SYT16: variants seen among roughly 807,000 people sequenced by gnomAD.
SYT16 encodes synaptotagmin 16, also known as synaptotagmin-16.
A neutral mutation model predicts 61.4 loss-of-function variants in SYT16; 42 were observed. The ratio of observed to expected loss-of-function variants is 0.68; its 90% confidence interval spans 0.53 to 0.89. The LOEUF is 0.89. Among genes scored for constraint, SYT16 ranks in the 40% least tolerant of loss-of-function variants. SYT16 has a pLI of 0.00. For missense variants in SYT16, 804 were observed against 807.3 expected (o/e 1.00, Z 0.05); for synonymous variants, 314 against 302.3 (o/e 1.04, Z -0.40).
In SYT16 at chr14:62,059,694, A is replaced by G. The variant is rs1042926572; in HGVS notation, c.524-9909A>G. Among the ~76,000 whole-genome samples the G allele has an allele frequency of 2.2e-4, 32 of 144,204 alleles. 1 individual carries two copies. Among genetic ancestry groups the G allele is most frequent in the African/African-American group, 6.1e-4 (23 of 37,812 alleles). 94.6% of individuals were successfully genotyped at this position (144,204 alleles called of 152,430 possible). On this transcript the variant is annotated intron_variant, in intron 3 of 7. Transcript: ENST00000683842. ...ACATATATATAATTTATATATATGTATATATATACATATAATTTTTATATA... is the reference window on the plus strand; with the variant it reads ...ACATATATATAATTTATATATATGTGTATATATACATATAATTTTTATATA...
chr14:61,812,183 G>C (rs1287068573), upstream of SYT16: 1 of 152,326 alleles, frequency 6.6e-6, no homozygotes, highest in Non-Finnish European at 1.5e-5. Flanking sequence ...AGCCTACGGA[G>C]ATGGCGTTGA....
chr14:62,049,611 G>A (rs2140882714), intron 3 of SYT16, among the ~76,000 whole-genome samples: 1 of 152,256 alleles, frequency 6.6e-6, no homozygotes, highest in South Asian at 2.1e-4. Context: ...GCAGCGGCTG[G>A]TACCACTTGT....
chr14:61,953,678 A>G (rs1295157942), intron 1 of SYT16, among the ~76,000 whole-genome samples: 3 of 152,258 alleles, frequency 2.0e-5, no homozygotes, highest in African/African-American at 7.2e-5. Flanking sequence ...TTGTTTTGCA[A>G]AAGCTGCTGA....
chr14:61,978,498 G>A (rs1386224037), intron 2 of SYT16, among the ~76,000 whole-genome samples: 6 of 152,222 alleles, frequency 3.9e-5, no homozygotes, highest in Admixed American at 3.9e-4. Flanking sequence ...ATTCTGGGAA[G>A]CTTTTAAAAA....
intron 1 of SYT16, among the ~76,000 whole-genome samples, chr14:61,819,234 A>C (rs2140212097): frequency 6.6e-6 from 1 of 152,310 alleles, no homozygotes; most frequent in East Asian, 1.9e-4. Context: ...TTAGATCACT[A>C]GGGTATTATT....
intron 6 of SYT16, among the ~76,000 whole-genome samples, chr14:62,082,191 G>A (rs1192862485): frequency 6.6e-6 from 1 of 152,182 alleles, no homozygotes; most frequent in Non-Finnish European, 1.5e-5. Context: ...AAGCAGTCAG[G>A]ATGTGGGGTG....
chr14:61,987,114 G>T (rs1397989324), intron 2 of SYT16, among the ~76,000 whole-genome samples: 1 of 152,134 alleles, frequency 6.6e-6, no homozygotes, highest in Non-Finnish European at 1.5e-5. Context: ...GATTATGGCG[G>T]GGGGAAAACA....
chr14:62,046,935 G>A (rs542732097), intron 3 of SYT16, among the ~76,000 whole-genome samples: 9 of 152,270 alleles, frequency 5.9e-5, no homozygotes, highest in African/African-American at 1.4e-4. Flanking sequence ...TGGGCAATGC[G>A]GGCTCTTTTT....
chr14:61,896,400 A>C (rs17099307), intron 1 of SYT16, among the ~76,000 whole-genome samples: 3,586 of 152,300 alleles, frequency 0.024, 136 homozygotes, highest in African/African-American at 0.08. Context: ...TCATAGTGGA[A>C]AGGGTTTTGG....
chr14:61,936,467 G>A (rs763495003), intron 1 of SYT16, among the ~76,000 whole-genome samples: 4 of 151,860 alleles, frequency 2.6e-5, no homozygotes, highest in South Asian at 2.1e-4. Context: ...GCCACAAGGC[G>A]GCTAATGAGT....
chr14:62,067,061 G>T (rs912775214), intron 3 of SYT16, among the ~76,000 whole-genome samples: 6 of 152,036 alleles, frequency 3.9e-5, no homozygotes, highest in African/African-American at 1.5e-4. Flanking sequence ...TGTATATAGG[G>T]GCTGGAGAAG....
At chr14:62,044,505 T>C (rs1260275634) in intron 3 of SYT16, among the ~76,000 whole-genome samples, 1 of 151,748 alleles carries the variant, frequency 6.6e-6, no homozygotes, top group East Asian at 1.9e-4. Context: ...CCTCTGTCCA[T>C]GTGCTCTCAT....
intron 1 of SYT16, among the ~76,000 whole-genome samples, chr14:61,847,714 T>G (rs2046485452): frequency 1.3e-5 from 2 of 152,194 alleles, no homozygotes; most frequent in Non-Finnish European, 2.9e-5. Context: ...GACTATTTTC[T>G]AGATATTTTA....
chr14:62,000,042 A>C (rs1002114451), intron 3 of SYT16, among the ~76,000 whole-genome samples: 1 of 142,932 alleles, frequency 7.0e-6, no homozygotes, highest in Admixed American at 7.1e-5. Flanking sequence ...TATTCTATAA[A>C]TTACAAGTTT....
intron 1 of SYT16, among the ~76,000 whole-genome samples, chr14:61,956,004 T>C (rs1199794715): frequency 1.3e-5 from 2 of 152,054 alleles, no homozygotes; most frequent in Non-Finnish European, 2.9e-5. Context: ...ATGGTCATTC[T>C]AACAGATCTG....
intron 7 of SYT16, among the ~76,000 whole-genome samples, chr14:62,099,154 G>A (rs1016943074): frequency 1.3e-5 from 2 of 152,284 alleles, no homozygotes; most frequent in African/African-American, 4.8e-5. Flanking sequence ...GGGAAGTATT[G>A]AAGACTTTGT....
At chr14:62,081,353 C>A in intron 6 of SYT16, 79 bp downstream of exon 6, 1 of 1,418,128 alleles carries the variant, frequency 7.1e-7, no homozygotes, top group Non-Finnish European at 9.5e-7. Context: ...TTAGTACGTT[C>A]AGTCTGTGAA....
At chr14:61,891,908 T>G (rs2048145020) in intron 1 of SYT16, among the ~76,000 whole-genome samples, 1 of 152,198 alleles carries the variant, frequency 6.6e-6, no homozygotes. Flanking sequence ...TTAAAGGTTG[T>G]TTTGGAAAAT....
At chr14:62,069,226 A>T (rs902350055) in intron 3 of SYT16, among the ~76,000 whole-genome samples, 1 of 152,216 alleles carries the variant, frequency 6.6e-6, no homozygotes, top group Non-Finnish European at 1.5e-5. Flanking sequence ...TCCCATGGTC[A>T]TTGACTAGAA....
Sources: allele counts gnomAD v4.1 joint callset (sites outside exome capture counted in the v4.1 genomes callset), GRCh38; gene constraint gnomAD v4.1.1; transcripts MANE v1.5; gene names NCBI Gene and HGNC (gene_info 2026-07-23, HGNC 2026-07-21).